The following BCKDHB variants were observed in gnomAD, a reference collection of about 807,000 sequenced individuals.
BCKDHB encodes branched chain keto acid dehydrogenase E1 subunit beta.
A neutral mutation model predicts 48.5 loss-of-function variants in BCKDHB; 41 were observed. The ratio of observed to expected loss-of-function variants is 0.85; its 90% CI spans 0.66 to 1.10. BCKDHB has a LOEUF of 1.10. Among genes scored for constraint, BCKDHB ranks in the 50% least tolerant of loss-of-function variants. BCKDHB has a pLI of 0.00. For missense variants in BCKDHB, 496 were observed against 494.2 expected (o/e 1.00, Z -0.03); for synonymous variants, 201 against 174.8 (o/e 1.15, Z -1.18).
chr6:80,225,459 T>A (rs1201012281), intron 8 of BCKDHB, among the ~76,000 whole-genome samples: 1 of 152,336 alleles, frequency 6.6e-6, no homozygotes, highest in Non-Finnish European at 1.5e-5. Context: ...AAATGGCTGT[T>A]AATTTTTAAC....
intron 8 of BCKDHB, among the ~76,000 whole-genome samples, chr6:80,260,899 A>G (rs920263401): frequency 6.6e-6 from 1 of 152,212 alleles, no homozygotes; most frequent in Non-Finnish European, 1.5e-5. Flanking sequence ...TTTGCCAAAG[A>G]TGTTTCCTTA....
At chr6:80,132,766 C>A (rs546981561) in intron 3 of BCKDHB, among the ~76,000 whole-genome samples, 1 of 152,058 alleles carries the variant, frequency 6.6e-6, no homozygotes, top group African/African-American at 2.4e-5. Context: ...AAAATTAAAT[C>A]GCTGATACTT....
chr6:80,118,524 A>G (rs1769830036), intron 1 of BCKDHB, among the ~76,000 whole-genome samples: 1 of 142,784 alleles, frequency 7.0e-6, no homozygotes, highest in South Asian at 2.2e-4. Context: ...CAACTTCATT[A>G]AAAAAAAAAA....
intron 9 of BCKDHB, among the ~76,000 whole-genome samples, chr6:80,320,426 T>A (rs1158729042): frequency 6.6e-6 from 1 of 152,178 alleles, no homozygotes; most frequent in East Asian, 1.9e-4. Flanking sequence ...TTTTCATACA[T>A]CTTGATAATT....
At chr6:80,110,286 ACT>A (rs1281882170) in intron 1 of BCKDHB, among the ~76,000 whole-genome samples, 2 of 152,058 alleles carry the variant, frequency 1.3e-5, no homozygotes, top group African/African-American at 4.8e-5. Flanking sequence ...TGGATGCCAT[ACT>A]CTCTGCTAGC....
At chr6:80,218,079 A>G (rs1287223530) in intron 8 of BCKDHB, among the ~76,000 whole-genome samples, 1 of 152,204 alleles carries the variant, frequency 6.6e-6, no homozygotes, top group African/African-American at 2.4e-5. Flanking sequence ...TAAGTGGCAT[A>G]AAACAATGTG....
At chr6:80,352,432 A>G in the BCKDHB span, among the ~76,000 whole-genome samples, 3 of 151,960 alleles carry the variant, frequency 2.0e-5, no homozygotes, top group South Asian at 2.1e-4. Context: ...CAGTCAATCA[A>G]CCCCCAGGCT....
intron 9 of BCKDHB, among the ~76,000 whole-genome samples, chr6:80,312,957 G>A (rs969281922): frequency 2.0e-5 from 3 of 152,128 alleles, no homozygotes; most frequent in African/African-American, 4.8e-5. Flanking sequence ...GAGTTAGAGA[G>A]GAGTCCATCC....
intron 6 of BCKDHB, among the ~76,000 whole-genome samples, chr6:80,191,183 G>A (rs1773877347): frequency 1.3e-5 from 2 of 152,056 alleles, no homozygotes; most frequent in Admixed American, 1.3e-4. Flanking sequence ...TCGAGAAGAG[G>A]GTGCTCATCA....
rs553968975 is a variant in BCKDHB at position 80,317,104 on chromosome 6, A to T, written c.1039-26560A>T. ...GGATCAGATGTGGCCGTTCTCTCTG[A>T]TTTTGCTTCTGATACACACTTAGGG... On this transcript the variant is annotated intron_variant, in intron 9 of 9. Coordinates refer to ENST00000320393, the MANE Select transcript of BCKDHB (RefSeq NM_183050.4). Among the ~76,000 whole-genome samples, 7 of 152,110 alleles carry T rather than the reference A, an allele frequency of 4.6e-5. No individual in the cohort carries two copies. In the South Asian group the frequency reaches 1.5e-3, roughly 32 times the overall value.
At chr6:80,159,569 T>C (rs1437242843) in intron 3 of BCKDHB, among the ~76,000 whole-genome samples, 1 of 152,224 alleles carries the variant, frequency 6.6e-6, no homozygotes, top group Admixed American at 6.5e-5. Context: ...GAAATGGTCT[T>C]CTGGATTAGC....
chr6:80,391,891 T>G, the BCKDHB span, among the ~76,000 whole-genome samples: 18 of 152,208 alleles, frequency 1.2e-4, no homozygotes, highest in African/African-American at 3.6e-4. Flanking sequence ...TTCTTCCTGA[T>G]AGCAGGATCC....
intron 6 of BCKDHB, among the ~76,000 whole-genome samples, chr6:80,198,690 C>G (rs1171936958): frequency 1.3e-5 from 2 of 152,078 alleles, no homozygotes; most frequent in East Asian, 3.8e-4. Flanking sequence ...TAGAAGAGTT[C>G]TGAACAGTGT....
At chr6:80,170,725 T>G (rs1772870646) in intron 5 of BCKDHB, among the ~76,000 whole-genome samples, 1 of 152,208 alleles carries the variant, frequency 6.6e-6, no homozygotes, top group Non-Finnish European at 1.5e-5. Context: ...TGAGTGGAAG[T>G]GTGGACTATC....
the BCKDHB span, among the ~76,000 whole-genome samples, chr6:80,400,317 A>G: frequency 2.5e-3 from 383 of 152,162 alleles, 3 homozygotes; most frequent in African/African-American, 8.7e-3. Flanking sequence ...TTTGCGTACT[A>G]TGCATCTGAC....
Position 80,106,680 on chromosome 6 carries a change from G to A in BCKDHB, c.-14G>A, listed in dbSNP as rs1025730390. ...TGCGGCTGCATAGCCTGAGAATCCC[G>A]GTGGTGAGCGGGGATGGCGGTTGTA... On this transcript the variant is annotated 5_prime_UTR_variant, in exon 1 of 10. Coordinates refer to ENST00000320393, the MANE Select transcript of BCKDHB (RefSeq NM_183050.4). The A allele has an allele frequency of 6.4e-7, 1 of 1,550,814 alleles. No homozygotes were observed. The highest frequency in any genetic ancestry group is 1.4e-5 in the African/African-American group (1 of 73,240).
chr6:80,239,180 T>A (rs553287662), intron 8 of BCKDHB, among the ~76,000 whole-genome samples: 1 of 152,294 alleles, frequency 6.6e-6, no homozygotes, highest in South Asian at 2.1e-4. Context: ...CACCACACTG[T>A]CTTCTACAAT....
intron 1 of BCKDHB, 134 bp from the exon 2 acceptor site, chr6:80,127,413 T>C: frequency 1.3e-6 from 1 of 768,456 alleles, no homozygotes; most frequent in South Asian, 1.5e-5. Flanking sequence ...AGTATTATTG[T>C]AAATAATTCA....
In BCKDHB at chr6:80,150,530, T is replaced by C. The variant is rs143470227; in HGVS notation, c.344-17148T>C. Among the ~76,000 whole-genome samples the C allele has an allele frequency of 1.7e-3, 259 of 150,890 alleles. 1 individual carries two copies. The highest frequency in any genetic ancestry group is 5.9e-3 in the African/African-American group (245 of 41,280). On this transcript the variant is annotated intron_variant, in intron 3 of 9. Transcript: ENST00000320393. ...TGACAGTAGGAACCTCTTTTAAGTA[T>C]AGTCAATCAAGTTTGTCATCTTTTT...
Sources: gnomAD v4.1 joint callset for allele counts (sites outside exome capture counted in the v4.1 genomes callset) on GRCh38, gnomAD v4.1.1 for gene constraint, MANE v1.5 for transcripts, NCBI Gene and HGNC (gene_info 2026-07-23, HGNC 2026-07-21) for gene names.